FSTL5: variants seen among roughly 807,000 people sequenced by gnomAD.
FSTL5 encodes the protein follistatin like 5, also known as follistatin-related protein 5.
In FSTL5, 62 loss-of-function variants were observed where a neutral mutation model predicts 89.1. The ratio of observed to expected loss-of-function variants is 0.70; its 90% confidence interval spans 0.57 to 0.86. The LOEUF is 0.86. FSTL5 is among the 40% of genes least tolerant of loss of function. The pLI is 0.00. For synonymous variants in FSTL5, 383 were observed against 346.2 expected (o/e 1.11, Z -1.18); for missense variants, 1,057 against 1,001.6 (o/e 1.06, Z -0.75).
rs775479684 is a variant in FSTL5, at chr4:161,671,686, T to TA, written c.728-15193dup. ...TGAGTTCATAAACTACTCCACCACT[T>TA]AAAAAAAAAATCTTTGAGCCTTCTG... On this transcript the variant is annotated intron_variant, in intron 6 of 15. Coordinates refer to ENST00000306100, the MANE Select transcript of FSTL5 (RefSeq NM_020116.5). Among the ~76,000 whole-genome samples, 284 of 150,152 alleles carry TA rather than the reference T, an allele frequency of 1.9e-3. 1 individual carries two copies. The highest frequency in any genetic ancestry group is 2.8e-3 in the Non-Finnish European group (187 of 67,320).
At chr4:161,891,489 G>C (rs527276387) in intron 4 of FSTL5, among the ~76,000 whole-genome samples, 2 of 152,168 alleles carry the variant, frequency 1.3e-5, no homozygotes, top group Admixed American at 6.5e-5. Flanking sequence ...TATTTCACTA[G>C]TTACTAGCTG....
chr4:161,998,476 GTAA>G, intron 3 of FSTL5, among the ~76,000 whole-genome samples: 1 of 152,110 alleles, frequency 6.6e-6, no homozygotes, highest in East Asian at 1.9e-4. Context: ...AGACTCTCCT[GTAA>G]TTTTTCTTTA....
At chr4:161,840,231 A>G (rs1176853449) in intron 4 of FSTL5, among the ~76,000 whole-genome samples, 1 of 152,106 alleles carries the variant, frequency 6.6e-6, no homozygotes, top group East Asian at 1.9e-4. Flanking sequence ...ATAACACAGC[A>G]TTGAGGTGTG....
rs1195394907 is a variant in FSTL5 at position 161,455,113 on chromosome 4, T to C, written c.1732A>G (p.Ser578Gly). 6.2e-7 allele frequency: 1 copy of C among 1,607,798 alleles called. No homozygotes were observed. ...SPTLQVITLA[S>G]GNVPHHTIHT... ...ATCGTGTGGTGAGGCACATTCCCACTGGCCAGGGTAATTACCTAAAGAGAA... is the reference window on the plus strand; with the variant it reads ...ATCGTGTGGTGAGGCACATTCCCACCGGCCAGGGTAATTACCTAAAGAGAA... The change falls in exon 15 of 16, where the codon AGT (serine) becomes GGT (glycine). Residue 578 changes from serine (S) to glycine (G), a missense_variant. Coordinates refer to ENST00000306100, the MANE Select transcript of FSTL5 (RefSeq NM_020116.5).
chr4:161,605,017 C>T (rs1023209654), intron 7 of FSTL5, among the ~76,000 whole-genome samples: 2 of 152,094 alleles, frequency 1.3e-5, no homozygotes, highest in Admixed American at 6.6e-5. Context: ...CCTAAATTTT[C>T]AATATATGGC....
At chr4:161,650,573 A>G (rs929995195) in intron 7 of FSTL5, among the ~76,000 whole-genome samples, 2 of 152,170 alleles carry the variant, frequency 1.3e-5, no homozygotes, top group African/African-American at 4.8e-5. Flanking sequence ...TACATTTGGT[A>G]TCGAACATGA....
In FSTL5 at chr4:161,455,020, T is replaced by A; in HGVS notation, c.1825A>T (p.Ile609Phe). The A allele has an allele frequency of 6.2e-7, 1 of 1,613,698 alleles. No individual in the cohort carries two copies. The highest frequency in any genetic ancestry group is 2.2e-5 in the East Asian group (1 of 44,852). ...DDFFIPTTTL[I>F]ITHMRFGFIL... is the part of the protein sequence containing the mutation. Reference sequence around the variant, plus strand: ...AGCACTTACCTCATATGGGTGATAATGAGTGTTGTGGTGGGAATGAAAAAA... The same window carrying A: ...AGCACTTACCTCATATGGGTGATAAAGAGTGTTGTGGTGGGAATGAAAAAA... The change falls in exon 15 of 16, where the codon ATT becomes TTT. Residue 609 changes from isoleucine (I) to phenylalanine (F), a missense_variant. Coordinates refer to ENST00000306100, the MANE Select transcript of FSTL5 (RefSeq NM_020116.5).
chr4:161,688,447 A>C (rs1051536962), intron 6 of FSTL5, among the ~76,000 whole-genome samples: 6 of 152,136 alleles, frequency 3.9e-5, no homozygotes, highest in Non-Finnish European at 7.4e-5. Flanking sequence ...CAGTTCTCTA[A>C]AGGCTTGGCA....
chr4:161,912,498 T>C (rs1398712617), intron 4 of FSTL5, among the ~76,000 whole-genome samples: 5 of 152,174 alleles, frequency 3.3e-5, no homozygotes, highest in African/African-American at 1.2e-4. Context: ...TTTTGCTTCC[T>C]CCTCATTTTT....
intron 15 of FSTL5, among the ~76,000 whole-genome samples, chr4:161,431,997 G>C (rs1216175326): frequency 6.6e-6 from 1 of 152,018 alleles, no homozygotes. Flanking sequence ...AAGAGAAATA[G>C]ACCCTAATAA....
At chr4:161,992,887 T>A (rs368592246) in intron 3 of FSTL5, among the ~76,000 whole-genome samples, 1 of 9,886 alleles carries the variant, frequency 1.0e-4, no homozygotes. Context: ...TATATATATA[T>A]ATATATATAT....
At chr4:161,487,058 AT>A (rs1206960412) in intron 12 of FSTL5, among the ~76,000 whole-genome samples, 1 of 151,988 alleles carries the variant, frequency 6.6e-6, no homozygotes, top group Non-Finnish European at 1.5e-5. Context: ...TGTTTCACTG[AT>A]TTTTTTCTTG....
chr4:162,147,574 C>T (rs1033750362), intron 1 of FSTL5, among the ~76,000 whole-genome samples: 4 of 152,138 alleles, frequency 2.6e-5, no homozygotes, highest in African/African-American at 7.2e-5. Context: ...AATCCTCATA[C>T]AGGTCACATT....
chr4:161,453,932 A>G (rs1435946758), intron 15 of FSTL5, among the ~76,000 whole-genome samples: 1 of 152,140 alleles, frequency 6.6e-6, no homozygotes, highest in Admixed American at 6.5e-5. Flanking sequence ...TGCTGAGCAC[A>G]TAATAGGCAT....
chr4:161,422,062 C>A (rs1246648541), intron 15 of FSTL5, among the ~76,000 whole-genome samples: 4 of 151,514 alleles, frequency 2.6e-5, no homozygotes, highest in African/African-American at 9.7e-5. Flanking sequence ...TATATATTTT[C>A]ATGTATTGAA....
intron 4 of FSTL5, among the ~76,000 whole-genome samples, chr4:161,906,070 A>T (rs751501856): frequency 6.6e-6 from 1 of 152,146 alleles, no homozygotes; most frequent in African/African-American, 2.4e-5. Context: ...CTTCACTGAT[A>T]TCAGGAATAA....
intron 4 of FSTL5, among the ~76,000 whole-genome samples, chr4:161,908,730 T>G (rs1379228359): frequency 6.6e-6 from 1 of 152,152 alleles, no homozygotes; most frequent in Non-Finnish European, 1.5e-5. Context: ...CAAAACTTTA[T>G]ACACTTTGTT....
chr4:161,710,212 C>G (rs142742056), intron 6 of FSTL5, among the ~76,000 whole-genome samples: 2 of 152,214 alleles, frequency 1.3e-5, no homozygotes, highest in East Asian at 3.9e-4. Flanking sequence ...AAGCCATCTG[C>G]CTTTCTTGGC....
chr4:161,767,294 G>GTGT (rs1395693671), intron 5 of FSTL5, among the ~76,000 whole-genome samples: 2 of 152,184 alleles, frequency 1.3e-5, no homozygotes. Context: ...AACCACAAAT[G>GTGT]TGTTGTGTGG....
Sources: gnomAD v4.1 joint callset for allele counts (sites outside exome capture counted in the v4.1 genomes callset) on GRCh38, gnomAD v4.1.1 for gene constraint, MANE v1.5 for transcripts, NCBI Gene and HGNC (gene_info 2026-07-23, HGNC 2026-07-21) for gene names.